Variants in HIVEP2 observed in about 807,000 individuals in gnomAD.
HIVEP2 encodes the protein HIVEP zinc finger 2, also known as transcription factor HIVEP2.
In HIVEP2, 14 loss-of-function variants were observed where a neutral mutation model predicts 180.7. The ratio of observed to expected loss-of-function variants is 0.08; its 90% CI spans 0.05 to 0.12. HIVEP2 has a LOEUF of 0.12. Among genes scored for constraint, HIVEP2 ranks in the 10% least tolerant of loss-of-function variants. The probability of loss-of-function intolerance (pLI) is 1.00; values close to 1 mark genes in which losing one functional copy is unlikely to be tolerated. For synonymous variants in HIVEP2, 1,184 were observed against 1,136.4 expected (o/e 1.04, Z -0.84); for missense variants, 2,579 against 3,008.5 (o/e 0.86, Z 3.34).
chr6:142,848,755 C>G (rs998143187), intron 1 of HIVEP2, among the ~76,000 whole-genome samples: 1 of 151,778 alleles, frequency 6.6e-6, no homozygotes, highest in African/African-American at 2.4e-5. Flanking sequence ...AATAGTTGGG[C>G]TCTGCTCTGT....
chr6:142,872,992 G>C (rs571173860), intron 1 of HIVEP2, among the ~76,000 whole-genome samples: 2 of 152,226 alleles, frequency 1.3e-5, no homozygotes, highest in Non-Finnish European at 2.9e-5. Flanking sequence ...AGGTCACAAG[G>C]GCAACCATAA....
At chr6:142,797,052 T>G (rs1237765889) in intron 2 of HIVEP2, among the ~76,000 whole-genome samples, 2 of 152,154 alleles carry the variant, frequency 1.3e-5, no homozygotes, top group African/African-American at 4.8e-5. Flanking sequence ...TTGGCAAATT[T>G]TAACTTTTTA....
chr6:142,923,268 T>C (rs545961810), intron 1 of HIVEP2, among the ~76,000 whole-genome samples: 1 of 151,680 alleles, frequency 6.6e-6, no homozygotes, highest in South Asian at 2.1e-4. Context: ...GAGGCGGAGG[T>C]TGCAGTGAGC....
In HIVEP2 at chr6:142,753,036, C is replaced by T. The variant is rs1774958565; in HGVS notation, c.*71G>A. 1.1e-6 allele frequency: 1 copy of T among 899,036 alleles called. No individual in the cohort carries two copies. The highest frequency in any genetic ancestry group is 1.8e-6 in the Non-Finnish European group (1 of 542,580). The allele number at this position is 899,036 out of a possible 1,614,324, so 55.7% of individuals were successfully genotyped here. A position where few individuals can be genotyped will look rare whatever the true frequency, so the allele number is the denominator to read the frequency against. On this transcript the variant is annotated 3_prime_UTR_variant, in exon 10 of 10. Coordinates refer to ENST00000367603, the MANE Select transcript of HIVEP2 (RefSeq NM_006734.4). ...GACAGGCATGCTATAAACTGGATTA[C>T]CTCCATTTCTAGAAAAACAAAAACA...
chr6:142,846,248 CA>C (rs1280786367), intron 1 of HIVEP2, among the ~76,000 whole-genome samples: 2 of 151,556 alleles, frequency 1.3e-5, no homozygotes, highest in Non-Finnish European at 2.9e-5. Flanking sequence ...CCTCTCCTGT[CA>C]GGGCTGTGAT....
At chr6:142,919,736 T>G (rs992601767) in intron 1 of HIVEP2, among the ~76,000 whole-genome samples, 4 of 152,222 alleles carry the variant, frequency 2.6e-5, no homozygotes, top group African/African-American at 9.6e-5. Flanking sequence ...AATGGCATTT[T>G]AAAATACTGA....
rs57458259 is a variant in HIVEP2 at position 142,785,309 on chromosome 6, C to CAAAA, written c.-527-1698_-527-1695dup. Among the ~76,000 whole-genome samples the CAAAA allele has an allele frequency of 1.1e-3, 69 of 65,374 alleles. 3 individuals are homozygous for CAAAA. The highest frequency in any genetic ancestry group is 1.9e-3 in the African/African-American group (38 of 20,536). The allele number at this position is 65,374 out of a possible 152,430, so 42.9% of individuals were successfully genotyped here. A position where few individuals can be genotyped will look rare whatever the true frequency, so the allele number is the denominator to read the frequency against. On this transcript the variant is annotated intron_variant, in intron 2 of 9. Transcript: ENST00000367603. ...GGCTAAAGTAAAGCATGGCATTCCT[C>CAAAA]AAAAAAAAAAAAAAAAAAAAAAAAA...
chr6:142,791,326 C>A (rs972390265), intron 2 of HIVEP2, among the ~76,000 whole-genome samples: 2 of 151,772 alleles, frequency 1.3e-5, no homozygotes, highest in Non-Finnish European at 3.0e-5. Context: ...CCAGGAAAGA[C>A]TAGACAGAGG....
At chr6:142,931,074 A>C (rs1445199230) in intron 1 of HIVEP2, among the ~76,000 whole-genome samples, 3 of 152,110 alleles carry the variant, frequency 2.0e-5, no homozygotes, top group African/African-American at 4.8e-5. Context: ...ATATAGGTCT[A>C]CTTGTTCTAT....
chr6:142,856,237 C>T (rs1445885354), intron 1 of HIVEP2, among the ~76,000 whole-genome samples: 1 of 117,632 alleles, frequency 8.5e-6, no homozygotes, highest in African/African-American at 3.5e-5. Context: ...TTTATGTCTC[C>T]CAGTTCCACC....
intron 1 of HIVEP2, among the ~76,000 whole-genome samples, chr6:142,859,170 C>T (rs1270978365): frequency 6.6e-6 from 1 of 152,058 alleles, no homozygotes. Flanking sequence ...TTGATCCCTA[C>T]AAGAAAAGTC....
chr6:142,867,448 T>C (rs960354277), intron 1 of HIVEP2, among the ~76,000 whole-genome samples: 1 of 152,222 alleles, frequency 6.6e-6, no homozygotes, highest in African/African-American at 2.4e-5. Context: ...AAGTGCCTTC[T>C]ACAAGCCAGT....
chr6:142,893,848 T>A (rs2128422038), intron 1 of HIVEP2, among the ~76,000 whole-genome samples: 1 of 152,316 alleles, frequency 6.6e-6, no homozygotes, highest in East Asian at 1.9e-4. Flanking sequence ...CTACAGAGAA[T>A]GATAAAGTTC....
intron 1 of HIVEP2, among the ~76,000 whole-genome samples, chr6:142,938,597 A>G (rs941995205): frequency 6.6e-6 from 1 of 152,232 alleles, no homozygotes; most frequent in African/African-American, 2.4e-5. Context: ...ATGGTTTTCT[A>G]TGATTTGTAT....
chr6:142,774,014 G>C lies in HIVEP2; in HGVS notation c.725C>G (p.Ala242Gly). 1 of 1,614,208 alleles carries C rather than the reference G, an allele frequency of 6.2e-7. No homozygotes were observed. Among genetic ancestry groups the C allele is most frequent in the Non-Finnish European group, 8.5e-7 (1 of 1,180,050 alleles). ...LYKHRKSHAHAIKAGLVPFTE... is the reference protein window; with the variant it reads ...LYKHRKSHAHGIKAGLVPFTE... The stretch of plus-strand genomic sequence containing the variant: ...GAAAGGTACTAATCCTGCCTTAATT[G>C]CATGGGCATGTGACTTCCTGTGCTT... The change falls in exon 5 of 10, where the codon GCA becomes GGA. Residue 242 changes from alanine (A) to glycine (G), a missense_variant. Ala to Gly is a moderately conservative substitution (Grantham distance 60). Coordinates refer to ENST00000367603, the MANE Select transcript of HIVEP2 (RefSeq NM_006734.4). The surrounding 1 kb of genome is among the most constrained non-coding windows in gnomAD (Gnocchi z 5.1).
intron 1 of HIVEP2, among the ~76,000 whole-genome samples, chr6:142,911,783 T>C (rs1777414920): frequency 1.3e-5 from 2 of 152,220 alleles, no homozygotes; most frequent in African/African-American, 4.8e-5. Context: ...TGTTTGTGTG[T>C]CTGTGATGCG....
At position 142,775,087 on chromosome 6, in the gene HIVEP2, A is replaced by G. The variant is rs1163768938; in HGVS notation, c.-349T>C. ...AGGAGAAATTTTGCCCATCAACTAG[A>G]GCAAAGTTCAATTGCCAGTTTCACT... On this transcript the variant is annotated 5_prime_UTR_variant, in exon 5 of 10. Coordinates refer to ENST00000367603, the MANE Select transcript of HIVEP2 (RefSeq NM_006734.4). 2 of 1,027,148 alleles carry G rather than the reference A, an allele frequency of 1.9e-6. No individual in the cohort carries two copies. The highest frequency in any genetic ancestry group is 1.7e-4 in the East Asian group (2 of 11,712). The allele number at this position is 1,027,148 out of a possible 1,614,324, so 63.6% of individuals were successfully genotyped here. A position where few individuals can be genotyped will look rare whatever the true frequency, so the allele number is the denominator to read the frequency against.
intron 2 of HIVEP2, among the ~76,000 whole-genome samples, chr6:142,796,349 C>A (rs1776277998): frequency 6.6e-6 from 1 of 152,120 alleles, no homozygotes; most frequent in South Asian, 2.1e-4. Flanking sequence ...TCCTCCAAAA[C>A]CTAACTACTA....
In HIVEP2 at chr6:142,939,629, C is replaced by A. The variant is rs1385638697; in HGVS notation, c.-641+5470G>T. 5.3e-5 allele frequency among the ~76,000 whole-genome samples: 8 copies of A among 152,286 alleles called. No homozygotes were observed. The East Asian group carries it at 1.4e-3, about 26-fold the overall frequency. On this transcript the variant is annotated intron_variant, in intron 1 of 9. Coordinates refer to ENST00000367603, the MANE Select transcript of HIVEP2 (RefSeq NM_006734.4). ...AAAGAATCACCTCCTCTCATAAGAA[C>A]CCTCTAATCTTTCCAGTTGGAAAAA...
Sources: gnomAD v4.1 joint callset for allele counts (sites outside exome capture counted in the v4.1 genomes callset) on GRCh38, gnomAD v4.1.1 for gene constraint, Gnocchi (gnomAD v3.1) non-coding constraint, MANE v1.5 for transcripts, NCBI Gene and HGNC (gene_info 2026-07-23, HGNC 2026-07-21) for gene names.